Variants in GARS1 observed in about 807,000 individuals in gnomAD.
GARS1 encodes glycine--tRNA ligase.
In GARS1, 46 loss-of-function variants were observed where a neutral mutation model predicts 86.4. That is an observed-to-expected ratio of 0.53 (90% CI 0.42 to 0.68). The LOEUF is 0.68. Ranked by LOEUF, GARS1 falls within the 30% of genes least tolerant of loss-of-function variation. The pLI, the probability that GARS1 is intolerant of heterozygous loss-of-function variation, is 0.00. For synonymous variants in GARS1, 342 were observed against 329.8 expected, an observed-to-expected ratio of 1.04 and a Z score of -0.40; for missense variants, 797 against 915.6, an observed-to-expected ratio of 0.87 and a Z score of 1.67.
chr7:30,609,555 T>G, intron 6 of GARS1, 30 bp from the exon 7 acceptor site: 1 of 1,599,242 alleles, frequency 6.3e-7, no homozygotes, highest in Non-Finnish European at 8.6e-7. Context: ...TTCTCTGTCT[T>G]TTACACTAAT....
intron 1 of GARS1, chr7:30,595,857 A>ACT (rs759801140): frequency 1.5e-5 from 7 of 471,016 alleles, no homozygotes; most frequent in Non-Finnish European, 3.1e-5. Context: ...CAGATCGTAA[A>ACT]CCTGGGAAAC....
intron 6 of GARS1, among the ~76,000 whole-genome samples, chr7:30,609,023 C>T (rs1225830781): frequency 3.3e-5 from 5 of 152,146 alleles, no homozygotes; most frequent in African/African-American, 9.7e-5. Context: ...GGATTTGGCA[C>T]TGATGATCAA....
intron 6 of GARS1, among the ~76,000 whole-genome samples, chr7:30,607,109 A>G (rs565853355): frequency 3.0e-4 from 46 of 152,320 alleles, no homozygotes; most frequent in Non-Finnish European, 5.0e-4. Flanking sequence ...ATATGCCAGC[A>G]CTGTGTAGTC....
At chr7:30,614,843 T>C (rs1460388168) in intron 8 of GARS1, among the ~76,000 whole-genome samples, 1 of 141,074 alleles carries the variant, frequency 7.1e-6, no homozygotes, top group East Asian at 2.1e-4. Flanking sequence ...GCCACTGCAC[T>C]CCAGCCTGGG....
intron 10 of GARS1, among the ~76,000 whole-genome samples, chr7:30,620,345 A>G (rs78790949): frequency 0.027 from 4,118 of 152,240 alleles, 191 homozygotes; most frequent in African/African-American, 0.092. Context: ...GGGTGCCAGC[A>G]TCGTCTGATC....
chr7:30,612,066 T>C, intron 7 of GARS1, 30 bp from the exon 8 acceptor site: 1 of 1,592,938 alleles, frequency 6.3e-7, no homozygotes, highest in Admixed American at 1.7e-5. Flanking sequence ...TTTCTTTCTT[T>C]GTAACAGACT....
intron 4 of GARS1, among the ~76,000 whole-genome samples, chr7:30,601,522 C>T (rs562477209): frequency 6.6e-6 from 1 of 152,246 alleles, no homozygotes; most frequent in African/African-American, 2.4e-5. Context: ...TTAATGATAG[C>T]ATAGTATTCT....
At chr7:30,629,795 C>T (rs951341813) in intron 14 of GARS1, among the ~76,000 whole-genome samples, 5 of 152,206 alleles carry the variant, frequency 3.3e-5, no homozygotes, top group African/African-American at 9.7e-5. Flanking sequence ...GCCCCAGGTG[C>T]GCAAACATAA....
intron 6 of GARS1, among the ~76,000 whole-genome samples, chr7:30,605,905 G>A (rs1791474556): frequency 6.6e-6 from 1 of 151,972 alleles, no homozygotes; most frequent in South Asian, 2.1e-4. Flanking sequence ...AATTTGAATT[G>A]GGATCCAGAT....
intron 9 of GARS1, 47 bp downstream of exon 9, chr7:30,616,105 T>C: frequency 6.2e-7 from 1 of 1,603,130 alleles, no homozygotes; most frequent in Non-Finnish European, 8.5e-7. Context: ...TGTTCAGGGT[T>C]TGCAGCAATT....
Position 30,632,484 on chromosome 7 carries a change from GCTT to G in GARS1, c.2094+51_2094+53del. On this transcript the variant is annotated intron_variant, in intron 16 of 16. Coordinates refer to ENST00000389266, the MANE Select transcript of GARS1 (RefSeq NM_002047.4). This position sits in a 1 kb window ranked among gnomAD's most constrained non-coding sequence, Gnocchi z 4.1. ...ATTTTTAGCCTTAGAAATGTGTACT[GCTT>G]CTTACTGATTTGTGTTGGATTTTGA... 6.4e-7 allele frequency: 1 copy of G among 1,574,388 alleles called. No homozygotes were observed. The highest frequency in any genetic ancestry group is 8.7e-7 in the Non-Finnish European group (1 of 1,144,452).
chr7:30,620,858 G>A (rs186030948), intron 10 of GARS1, among the ~76,000 whole-genome samples: 1 of 152,174 alleles, frequency 6.6e-6, no homozygotes, highest in African/African-American at 2.4e-5. Flanking sequence ...AAGAATAGTG[G>A]TTTCTGCCAA....
In GARS1 at chr7:30,609,750, T is replaced by C. The variant is rs781026645; in HGVS notation, c.881+20T>C. ...GCCTGGGTATGTATCACTTATTGTT[T>C]ACCTGTTTATGTAATGAAGTTTTTA... On this transcript the variant is annotated intron_variant, in intron 7 of 16. Coordinates refer to ENST00000389266, the MANE Select transcript of GARS1 (RefSeq NM_002047.4). 3.7e-6 allele frequency: 6 copies of C among 1,611,884 alleles called. No homozygotes were observed. The highest frequency in any genetic ancestry group is 3.3e-4 in the Middle Eastern group (2 of 6,072).
chr7:30,626,184 CACAGGGTGCCTGTTTGA>C, intron 12 of GARS1, 33 bp from the exon 13 acceptor site: 1 of 1,138,116 alleles, frequency 8.8e-7, no homozygotes, highest in Non-Finnish European at 1.3e-6. Context: ...TAAATTAAGG[CACAGGGTGCCTGTTTGA>C]ACTAATACAA....
Position 30,594,884 on chromosome 7 carries a change from G to A in GARS1, c.-38G>A, listed in dbSNP as rs1054637945. The A allele has an allele frequency of 1.5e-5, 23 of 1,501,554 alleles. No individual in the cohort carries two copies. Among genetic ancestry groups the A allele is most frequent in the Middle Eastern group, 2.3e-4 (1 of 4,306 alleles). 93.0% of individuals were successfully genotyped at this position (1,501,554 alleles called of 1,614,324 possible). A position where few individuals can be genotyped will look rare whatever the true frequency, so the allele number is the denominator to read the frequency against. ...GAGCCGGGCGGCGCGCGCCGCTTCC[G>A]TCGCCACCCTCTCTGGACAGCCCAG... On this transcript the variant is annotated 5_prime_UTR_variant, in exon 1 of 17. Transcript: ENST00000389266.
At chr7:30,619,725 A>G (rs1402980950) in intron 10 of GARS1, among the ~76,000 whole-genome samples, 2 of 146,944 alleles carry the variant, frequency 1.4e-5, no homozygotes, top group African/African-American at 2.5e-5. Context: ...TATTACAGAC[A>G]CCCCATGTGA....
chr7:30,617,157 T>C lies in GARS1; in HGVS notation c.1238T>C (p.Ile413Thr). The C allele has an allele frequency of 6.2e-7, 1 of 1,614,128 alleles. No individual in the cohort carries two copies. The highest frequency in any genetic ancestry group is 8.5e-7 in the Non-Finnish European group (1 of 1,179,970). ...NTVLGYFIGR[I>T]YLYLTKVGIS... ...GTATTAGGCTATTTCATTGGCCGCA[T>C]CTACCTCTACCTCACGAAGGTTGGA... The change falls in exon 10 of 17, where the codon ATC (isoleucine) becomes ACC (threonine). Residue 413 changes from isoleucine to threonine, a missense_variant. Physicochemically the swap from Ile to Thr is moderately conservative, Grantham distance 89. Transcript: ENST00000389266.
At chr7:30,601,612 A>G (rs1329398526) in intron 4 of GARS1, among the ~76,000 whole-genome samples, 1 of 152,232 alleles carries the variant, frequency 6.6e-6, no homozygotes, top group Non-Finnish European at 1.5e-5. Flanking sequence ...ACTGCACCGA[A>G]TATCTTGATA....
Position 30,632,562 on chromosome 7 carries a change from G to C in GARS1, c.2094+125G>C. The C allele has an allele frequency of 1.0e-6, 1 of 990,942 alleles. No homozygotes were observed. Among genetic ancestry groups the C allele is most frequent in the Non-Finnish European group, 1.5e-6 (1 of 646,064 alleles). The allele number at this position is 990,942 out of a possible 1,614,324, so 61.4% of individuals were successfully genotyped here. ...TTTTTCTTTTTAATTTTAATGAACG[G>C]CTTGTATCAGACAGAGCCCAGATTC... is the stretch of plus-strand genomic sequence containing the variant. On this transcript the variant is annotated intron_variant, in intron 16 of 16. Transcript: ENST00000389266. The surrounding 1 kb of genome is among the most constrained non-coding windows in gnomAD (Gnocchi z 4.1).
Sources: gnomAD v4.1 joint callset for allele counts (sites outside exome capture counted in the v4.1 genomes callset) on GRCh38, gnomAD v4.1.1 for gene constraint, Gnocchi (gnomAD v3.1) non-coding constraint, MANE v1.5 for transcripts, NCBI Gene and HGNC (gene_info 2026-07-23, HGNC 2026-07-21) for gene names.